NCAM2: variants seen among roughly 807,000 people sequenced by gnomAD.
NCAM2 encodes N-CAM-2.
In NCAM2, 30 loss-of-function variants were observed where a neutral mutation model predicts 98.1. The ratio of observed to expected loss-of-function variants is 0.31; its 90% CI spans 0.23 to 0.41. NCAM2 has a LOEUF of 0.41. Ranked by LOEUF, NCAM2 falls within the 10% of genes least tolerant of loss-of-function variation. The pLI, the probability that NCAM2 is intolerant of heterozygous loss-of-function variation, is 1.00. For missense variants in NCAM2, 867 were observed against 1,005.8 expected (o/e 0.86, Z 1.87); for synonymous variants, 368 against 342.4 (o/e 1.07, Z -0.83).
chr21:21,124,546 C>G (rs1422504403), intron 1 of NCAM2, among the ~76,000 whole-genome samples: 1 of 152,140 alleles, frequency 6.6e-6, no homozygotes, highest in Non-Finnish European at 1.5e-5. Context: ...ATTGTGGAGA[C>G]ATGGAATCAG....
At chr21:21,089,757 C>T (rs961369564) in intron 1 of NCAM2, among the ~76,000 whole-genome samples, 16 of 152,106 alleles carry the variant, frequency 1.1e-4, no homozygotes, top group Admixed American at 7.2e-4. Context: ...TGTCTGGCCA[C>T]GTGTTTCTGA....
chr21:21,326,871 C>G (rs2074525572), intron 6 of NCAM2, among the ~76,000 whole-genome samples: 1 of 254 alleles, frequency 3.9e-3, no homozygotes, highest in Non-Finnish European at 9.1e-3. Flanking sequence ...GACCTTGTAT[C>G]TGACATATAG....
At position 21,280,664 on chromosome 21, in the gene NCAM2, T is replaced by C. The variant is rs2072897887; in HGVS notation, c.130+12T>C. The C allele has an allele frequency of 6.8e-7, 1 of 1,473,222 alleles. No individual in the cohort carries two copies. Among genetic ancestry groups the C allele is most frequent in the Non-Finnish European group, 9.2e-7 (1 of 1,088,160 alleles). The allele number at this position is 1,473,222 out of a possible 1,614,324, so 91.3% of individuals were successfully genotyped here. On this transcript the variant is annotated intron_variant, in intron 2 of 17. Coordinates refer to ENST00000400546, the MANE Select transcript of NCAM2 (RefSeq NM_004540.5). ...CTTCACATGTACAGGTACGTATTTC[T>C]GTAAATACCTTCAGATAACGTGGTT...
intron 6 of NCAM2, among the ~76,000 whole-genome samples, chr21:21,327,828 A>G (rs1482999555): frequency 6.6e-6 from 1 of 152,206 alleles, no homozygotes; most frequent in Non-Finnish European, 1.5e-5. Context: ...CATAACATCA[A>G]TAAGATAATT....
chr21:21,183,508 A>C (rs923591042), intron 1 of NCAM2, among the ~76,000 whole-genome samples: 1 of 152,192 alleles, frequency 6.6e-6, no homozygotes, highest in Non-Finnish European at 1.5e-5. Flanking sequence ...GGAGGTAAGG[A>C]CATGAGGAAA....
At chr21:21,047,901 C>T (rs756497072) in intron 1 of NCAM2, among the ~76,000 whole-genome samples, 2 of 152,142 alleles carry the variant, frequency 1.3e-5, no homozygotes, top group Admixed American at 6.5e-5. Flanking sequence ...TTATTTAACA[C>T]TGTATGTCAT....
rs553681326 is a variant in NCAM2, at chr21:21,166,603, G to C, written c.56-113975G>C. Among the ~76,000 whole-genome samples the C allele has an allele frequency of 4.0e-4, 61 of 152,232 alleles. No homozygotes were observed. The South Asian group carries it at 0.012, about 31-fold the overall frequency. ...GCAATAGATGTAACCAGAACAATAA[G>C]AGTCAGGAGACTCTTGCTAGAATTG... On this transcript the variant is annotated intron_variant, in intron 1 of 17. Transcript: ENST00000400546.
chr21:21,454,020 A>G (rs762457326), intron 12 of NCAM2, among the ~76,000 whole-genome samples: 21 of 152,224 alleles, frequency 1.4e-4, no homozygotes, highest in Non-Finnish European at 2.8e-4. Flanking sequence ...ATGATTTACC[A>G]TGCCTAGGAT....
chr21:21,037,688 T>C (rs532878549), intron 1 of NCAM2, among the ~76,000 whole-genome samples: 39 of 152,166 alleles, frequency 2.6e-4, no homozygotes, highest in Non-Finnish European at 4.4e-4. Context: ...AAGTACACTG[T>C]AGACATATTA....
intron 3 of NCAM2, 73 bp downstream of exon 3, chr21:21,284,473 T>C: frequency 9.3e-7 from 1 of 1,080,344 alleles, no homozygotes; most frequent in African/African-American, 1.6e-5. Context: ...AATAAAATGT[T>C]TGATAACACT....
At chr21:21,041,023 T>C (rs2064894033) in intron 1 of NCAM2, among the ~76,000 whole-genome samples, 1 of 152,136 alleles carries the variant, frequency 6.6e-6, no homozygotes, top group African/African-American at 2.4e-5. Flanking sequence ...TATCAAAATA[T>C]CACTCCATTG....
intron 9 of NCAM2, among the ~76,000 whole-genome samples, chr21:21,383,361 C>T (rs1338768292): frequency 6.6e-6 from 1 of 152,124 alleles, no homozygotes; most frequent in Admixed American, 6.5e-5. Flanking sequence ...CCTTCTCTGA[C>T]TCCTAGCTGA....
intron 1 of NCAM2, among the ~76,000 whole-genome samples, chr21:21,078,846 T>A (rs889484715): frequency 6.6e-6 from 1 of 152,190 alleles, no homozygotes; most frequent in Non-Finnish European, 1.5e-5. Flanking sequence ...CATGGAATAC[T>A]ATGCAGCCAT....
chr21:21,439,122 CT>C (rs34655565), intron 12 of NCAM2, among the ~76,000 whole-genome samples: 9,561 of 145,510 alleles, frequency 0.066, 330 homozygotes, highest in East Asian at 0.17. Context: ...TAAGTACTTC[CT>C]TTTTTTTTTT....
At chr21:21,110,587 C>G (rs1303041919) in intron 1 of NCAM2, among the ~76,000 whole-genome samples, 1 of 150,616 alleles carries the variant, frequency 6.6e-6, no homozygotes, top group Non-Finnish European at 1.5e-5. Context: ...ATAACTCATA[C>G]AAGGCATTCC....
chr21:21,213,686 A>G (rs937126079), intron 1 of NCAM2, among the ~76,000 whole-genome samples: 2 of 152,204 alleles, frequency 1.3e-5, no homozygotes, highest in African/African-American at 4.8e-5. Flanking sequence ...TTCAGGTTTT[A>G]TATGAACATG....
chr21:21,078,169 A>G (rs1309270385), intron 1 of NCAM2, among the ~76,000 whole-genome samples: 4 of 152,182 alleles, frequency 2.6e-5, no homozygotes, highest in Non-Finnish European at 4.4e-5. Flanking sequence ...AGAAGCATTA[A>G]TATTATTACC....
At chr21:21,319,626 G>A (rs775232648) in intron 5 of NCAM2, among the ~76,000 whole-genome samples, 3 of 152,154 alleles carry the variant, frequency 2.0e-5, no homozygotes, top group Non-Finnish European at 2.9e-5. Flanking sequence ...GTCCGACAGA[G>A]TGAGACTCCA....
At chr21:21,310,213 T>G (rs1344388559) in intron 5 of NCAM2, among the ~76,000 whole-genome samples, 1 of 152,162 alleles carries the variant, frequency 6.6e-6, no homozygotes, top group Non-Finnish European at 1.5e-5. Flanking sequence ...TTTTTATTAA[T>G]TAATTACTTT....
Sources: allele counts gnomAD v4.1 joint callset (sites outside exome capture counted in the v4.1 genomes callset), GRCh38; gene constraint gnomAD v4.1.1; transcripts MANE v1.5; gene names NCBI Gene and HGNC (gene_info 2026-07-23, HGNC 2026-07-21).